Variants in TF observed in about 807,000 individuals in gnomAD.
TF encodes the protein serotransferrin.
In TF, 55 loss-of-function variants were observed where a neutral mutation model predicts 82.4. The ratio of observed to expected loss-of-function variants is 0.67; its 90% CI spans 0.54 to 0.84. The LOEUF (loss-of-function observed/expected upper bound fraction) is 0.84. Among genes scored for constraint, TF ranks in the 40% least tolerant of loss-of-function variants. The probability of loss-of-function intolerance (pLI) is 0.00; values close to 1 mark genes in which losing one functional copy is unlikely to be tolerated. For missense variants in TF, 737 were observed against 868.4 expected (o/e 0.85, Z 1.90); for synonymous variants, 332 against 332.6 (o/e 1.00, Z 0.02).
the TF span, among the ~76,000 whole-genome samples, chr3:133,731,914 G>A: frequency 0.012 from 1,825 of 152,268 alleles, 37 homozygotes; most frequent in African/African-American, 0.041. Flanking sequence ...TGAATGGACA[G>A]GTGACTGTTA....
At chr3:133,777,978 C>T (rs1934436157) in intron 16 of TF, 1 of 158,944 alleles carries the variant, frequency 6.3e-6, no homozygotes, top group Admixed American at 5.9e-5. Context: ...AGTCTTGATC[C>T]TTATTAAAAT....
chr3:133,748,762 GC>G, intron 2 of TF, 178 bp downstream of exon 2: 1 of 803,192 alleles, frequency 1.2e-6, no homozygotes, highest in Non-Finnish European at 2.0e-6. Flanking sequence ...TGTCTGGAAA[GC>G]AAAAGTCAAA....
At chr3:133,680,698 T>G in the TF span, among the ~76,000 whole-genome samples, 9 of 152,318 alleles carry the variant, frequency 5.9e-5, no homozygotes, top group Non-Finnish European at 1.0e-4. Flanking sequence ...TCAAGTAAAT[T>G]TGAAGGGCTC....
the TF span, chr3:133,704,322 G>C: frequency 4.4e-6 from 1 of 225,080 alleles, no homozygotes; most frequent in Middle Eastern, 6.9e-4. Flanking sequence ...ACAGTAAGTG[G>C]AGGGGAGTGT....
rs1356233207 is a variant in TF, at chr3:133,782,055, A to G, written c.*3435A>G. On this transcript the variant is annotated 3_prime_UTR_variant, in exon 17 of 17. Transcript: ENST00000402696. ...AGATGGATATGAAAAGGTGTTCAAC[A>G]TCACTAATCATAAGGGAAATGTGAA... 6.6e-6 allele frequency: 1 copy of G among 152,224 alleles called. No homozygotes were observed. The highest frequency in any genetic ancestry group is 1.5e-5 in the Non-Finnish European group (1 of 68,032). 9.4% of individuals were successfully genotyped at this position (152,224 alleles called of 1,614,324 possible).
chr3:133,774,482 A>C (rs1452848148), intron 14 of TF: 1 of 152,214 alleles, frequency 6.6e-6, no homozygotes, highest in Non-Finnish European at 1.5e-5. Context: ...TTGAAAAAAA[A>C]GCTACAGAGT....
intron 14 of TF, chr3:133,774,187 C>T (rs1326467511): frequency 6.6e-6 from 1 of 152,050 alleles, no homozygotes; most frequent in African/African-American, 2.4e-5. Flanking sequence ...GGGCTGAGAA[C>T]ATAGTATCAT....
At chr3:133,778,521 C>G (rs1420886318) in intron 16 of TF, 65 bp from the exon 17 acceptor site, 4 of 1,563,024 alleles carry the variant, frequency 2.6e-6, no homozygotes, top group Non-Finnish European at 2.6e-6. Context: ...TGTTCAATCA[C>G]TCGACAGTTC....
chr3:133,775,611 A>G lies in TF; in HGVS notation c.1866A>G (p.Gln622=). The G allele has an allele frequency of 6.2e-7, 1 of 1,614,084 alleles. No homozygotes were observed. The highest frequency in any genetic ancestry group is 8.5e-7 in the Non-Finnish European group (1 of 1,180,012). ...CTTGCGTCCACAAGATATTACGTCA[A>G]CAGCAGGTATGGACCAGCCAGGTCC... ...KEACVHKILR[Q]QQHLFGSNVT... The change falls in exon 15 of 17, where the codon CAA becomes CAG. Residue 622 remains glutamine, a synonymous_variant. Transcript: ENST00000402696.
chr3:133,711,511 C>T, the TF span, among the ~76,000 whole-genome samples: 1 of 152,184 alleles, frequency 6.6e-6, no homozygotes, highest in Non-Finnish European at 1.5e-5. Context: ...TACAGTCCAT[C>T]CTCTTGTGCC....
the TF span, among the ~76,000 whole-genome samples, chr3:133,723,296 C>T: frequency 6.6e-6 from 1 of 152,042 alleles, no homozygotes; most frequent in South Asian, 2.1e-4. Context: ...CTTTGGGTCT[C>T]CTGAATCTGG....
intron 5 of TF, 131 bp downstream of exon 5, chr3:133,755,626 G>A: frequency 6.1e-6 from 8 of 1,304,796 alleles, no homozygotes; most frequent in Non-Finnish European, 7.5e-6. Context: ...CCCTCCCAGT[G>A]AGTCAGAAGC....
At chr3:133,772,229 C>T (rs1034398225) in intron 14 of TF, among the ~76,000 whole-genome samples, 1 of 152,198 alleles carries the variant, frequency 6.6e-6, no homozygotes, top group African/African-American at 2.4e-5. Context: ...ATTGGGTTGA[C>T]TAATTTTCCT....
chr3:133,667,043 GAAA>G, the TF span, among the ~76,000 whole-genome samples: 1 of 136,228 alleles, frequency 7.3e-6, no homozygotes, highest in African/African-American at 2.8e-5. Flanking sequence ...CTCAGAAAAA[GAAA>G]AAAAAAAAAA....
chr3:133,768,736 A>T (rs1000097910), intron 13 of TF, among the ~76,000 whole-genome samples: 1 of 146,568 alleles, frequency 6.8e-6, no homozygotes, highest in Admixed American at 6.9e-5. Flanking sequence ...ATTGTACTTT[A>T]TGGAGTGCCT....
At chr3:133,775,727 C>T in intron 15 of TF, 110 bp downstream of exon 15, 3 of 1,157,680 alleles carry the variant, frequency 2.6e-6, no homozygotes, top group South Asian at 2.5e-5. Flanking sequence ...TTTTTGAAAA[C>T]TAGAATTCCA....
the TF span, among the ~76,000 whole-genome samples, chr3:133,668,384 C>T: frequency 4.0e-3 from 615 of 152,218 alleles, 1 homozygote; most frequent in Non-Finnish European, 5.4e-3. Context: ...TGGAGAGCAA[C>T]GAGCAAAGGA....
At chr3:133,696,045 A>G in the TF span, among the ~76,000 whole-genome samples, 1 of 152,210 alleles carries the variant, frequency 6.6e-6, no homozygotes, top group Non-Finnish European at 1.5e-5. Context: ...GTGCCTTCAC[A>G]AGAAGGGTGA....
the TF span, among the ~76,000 whole-genome samples, chr3:133,675,047 C>A: frequency 6.6e-6 from 1 of 152,006 alleles, no homozygotes; most frequent in African/African-American, 2.4e-5. Flanking sequence ...GAGTTCCACA[C>A]CAGCCTGGCC....
Sources: allele counts gnomAD v4.1 joint callset (sites outside exome capture counted in the v4.1 genomes callset), GRCh38; gene constraint gnomAD v4.1.1; transcripts MANE v1.5; gene names NCBI Gene and HGNC (gene_info 2026-07-23, HGNC 2026-07-21).